TJP1: variants seen among roughly 807,000 people sequenced by gnomAD.
The protein encoded by TJP1 is tight junction protein ZO-1.
TJP1 carries 43 observed loss-of-function variants against 194.2 expected under a neutral mutation model. The observed-to-expected ratio is 0.22, with a 90% confidence interval of 0.17 to 0.29. TJP1 has a LOEUF of 0.29. Ranked by LOEUF, TJP1 falls within the 10% of genes least tolerant of loss-of-function variation. The pLI is 1.00. For synonymous variants in TJP1, 801 were observed against 779.0 expected, an observed-to-expected ratio of 1.03 and a Z score of -0.47; for missense variants, 1,971 against 2,185.7, an observed-to-expected ratio of 0.90 and a Z score of 1.96.
chr15:29,861,613 C>A lies in TJP1; in HGVS notation c.307-60911G>T, dbSNP rs538735278. Reference sequence around the variant, plus strand: ...CCTTTGGAGATATGTCTACTCAAGTCCTTTGCCACTTTTTAATTGGCTTGT... The same window carrying A: ...CCTTTGGAGATATGTCTACTCAAGTACTTTGCCACTTTTTAATTGGCTTGT... On this transcript the variant is annotated intron_variant, in intron 2 of 28. Transcript: ENST00000356107. Among the ~76,000 whole-genome samples, 4 of 152,270 alleles carry A rather than the reference C, an allele frequency of 2.6e-5. No homozygotes were observed. The South Asian group carries it at 8.3e-4, about 32-fold the overall frequency.
chr15:29,886,727 A>G (rs1347589299), intron 2 of TJP1, among the ~76,000 whole-genome samples: 1 of 152,112 alleles, frequency 6.6e-6, no homozygotes, highest in East Asian at 1.9e-4. Context: ...AACAATAACC[A>G]TAATGAGAAA....
In TJP1 at chr15:29,720,003, G is replaced by A; in HGVS notation, c.2777C>T (p.Ser926Leu). ...AGGCGAAAGGTAAGGGACTGGAGAT[G>A]AAGCTTCTGCTTTCTGTGAAGTGTT... ...KPASQQKAEA[S>L]SPVPYLSPET... Residue 926 changes from serine (S) to leucine (L), a missense_variant, in exon 20 of 28, where the codon TCA (serine) becomes TTA (leucine). By Grantham distance (145) the Ser-to-Leu change is moderately radical (BLOSUM62 -2). This residue lies in a region of TJP1 where 1,108 missense variants were observed against 1,128.5 expected (regional missense o/e 0.98). Coordinates refer to ENST00000614355, the MANE Select transcript of TJP1 (RefSeq NM_001330239.4). The A allele has an allele frequency of 6.2e-7, 1 of 1,608,130 alleles. No individual in the cohort carries two copies. The highest frequency in any genetic ancestry group is 8.5e-7 in the Non-Finnish European group (1 of 1,178,168).
intron 2 of TJP1, among the ~76,000 whole-genome samples, chr15:29,944,256 C>G (rs1204685843): frequency 6.6e-6 from 1 of 151,782 alleles, no homozygotes; most frequent in African/African-American, 2.4e-5. Flanking sequence ...CCACACCCGG[C>G]TAATTTTTTT....
At position 29,719,999 on chromosome 15, in the gene TJP1, A is replaced by G. The variant is rs769624603; in HGVS notation, c.2781T>C (p.Ser927=). ...PASQQKAEAS[S]PVPYLSPETN... is the part of the protein sequence containing the mutation. ...TTTCAGGCGAAAGGTAAGGGACTGGAGATGAAGCTTCTGCTTTCTGTGAAG... is the reference window on the plus strand; with the variant it reads ...TTTCAGGCGAAAGGTAAGGGACTGGGGATGAAGCTTCTGCTTTCTGTGAAG... The change falls in exon 20 of 28, where the codon TCT becomes TCC. Residue 927 remains serine, a synonymous_variant. Coordinates refer to ENST00000614355, the MANE Select transcript of TJP1 (RefSeq NM_001330239.4). 1 of 1,608,712 alleles carries G rather than the reference A, an allele frequency of 6.2e-7. No homozygotes were observed. The highest frequency in any genetic ancestry group is 1.1e-5 in the South Asian group (1 of 89,792).
intron 2 of TJP1, chr15:29,800,372 CAG>C (rs1433992325): frequency 1.6e-5 from 7 of 441,394 alleles, no homozygotes; most frequent in African/African-American, 8.2e-5. Flanking sequence ...TACTAATGTA[CAG>C]AGTCTTTTAT....
Position 29,719,832 on chromosome 15 carries a change from T to G in TJP1, c.2948A>C (p.His983Pro). 3 of 1,614,220 alleles carry G rather than the reference T, an allele frequency of 1.9e-6. No individual in the cohort carries two copies. Among genetic ancestry groups the G allele is most frequent in the Non-Finnish European group, 2.5e-6 (3 of 1,180,018 alleles). Residue 983 changes from histidine to proline, a missense_variant, in exon 20 of 28, where the codon CAC becomes CCC. Coordinates refer to ENST00000614355, the MANE Select transcript of TJP1 (RefSeq NM_001330239.4). ...TGGTTCTTGATCTCTTAGCATTATG[T>G]GAGCTGCCTCAGTACTTGGTGTTCT... Reference protein sequence around the residue: ...SLRTPSTEAAHIMLRDQEPSL... With the variant: ...SLRTPSTEAAPIMLRDQEPSL...
At chr15:29,746,632 T>C (rs1167477533) in intron 8 of TJP1, among the ~76,000 whole-genome samples, 2 of 151,938 alleles carry the variant, frequency 1.3e-5, no homozygotes, top group African/African-American at 4.8e-5. Context: ...ATTTCAACTT[T>C]TACAAAAATT....
intron 2 of TJP1, among the ~76,000 whole-genome samples, chr15:29,918,384 C>A (rs976588188): frequency 6.6e-6 from 1 of 152,086 alleles, no homozygotes; most frequent in Non-Finnish European, 1.5e-5. Context: ...TTTAGGAAAA[C>A]TTCCCAACGT....
At chr15:29,795,503 A>T (rs1007348047) in intron 2 of TJP1, among the ~76,000 whole-genome samples, 2 of 152,036 alleles carry the variant, frequency 1.3e-5, no homozygotes, top group African/African-American at 4.8e-5. Flanking sequence ...ATATTCCTAT[A>T]TAAAATTAAA....
At position 29,709,950 on chromosome 15, in the gene TJP1, A is replaced by C. The variant is rs2042134008; in HGVS notation, c.4372+881T>G. On this transcript the variant is annotated intron_variant, in intron 24 of 27. Coordinates refer to ENST00000614355, the MANE Select transcript of TJP1 (RefSeq NM_001330239.4). The stretch of plus-strand genomic sequence containing the variant: ...CACCTGAGGTCAGGAGTTCGTGACC[A>C]GCCTGGCTAACATGATGAAACCCTG... 2.6e-5 allele frequency among the ~76,000 whole-genome samples: 4 copies of C among 152,198 alleles called. No homozygotes were observed. The South Asian group carries it at 8.3e-4, about 32-fold the overall frequency.
At chr15:29,899,018 A>C (rs1298522231) in intron 2 of TJP1, among the ~76,000 whole-genome samples, 3 of 152,248 alleles carry the variant, frequency 2.0e-5, no homozygotes, top group Admixed American at 6.5e-5. Flanking sequence ...AATAAGAACA[A>C]AGATAAGGAG....
intron 12 of TJP1, among the ~76,000 whole-genome samples, 158 bp from the exon 13 acceptor site, chr15:29,733,471 T>C (rs2043806773): frequency 6.6e-6 from 1 of 152,248 alleles, no homozygotes; most frequent in Non-Finnish European, 1.5e-5. Flanking sequence ...TTCATCACTG[T>C]AAGAATTGAA....
chr15:29,929,828 A>G (rs2054648562), intron 2 of TJP1, among the ~76,000 whole-genome samples: 1 of 152,144 alleles, frequency 6.6e-6, no homozygotes, highest in African/African-American at 2.4e-5. Context: ...TTTTTAAAAC[A>G]GCAGCAAAAC....
rs184146748 is a variant in TJP1, at chr15:29,946,781, C to T, written c.306+9451G>A. On this transcript the variant is annotated intron_variant, in intron 2 of 28. Coordinates refer to the TJP1 transcript ENST00000356107. Reference sequence around the variant, plus strand: ...GCTGCACCAAACCCTTAACATTATGCCAGGTATTATAAAGCAATCTAATTT... The same window carrying T: ...GCTGCACCAAACCCTTAACATTATGTCAGGTATTATAAAGCAATCTAATTT... Among the ~76,000 whole-genome samples, 4 of 152,236 alleles carry T rather than the reference C, an allele frequency of 2.6e-5. No individual in the cohort carries two copies. The East Asian group carries it at 5.8e-4, about 22-fold the overall frequency.
rs757394527 is a variant in TJP1, at chr15:29,705,598, T to A, written c.4998A>T (p.Gly1666=). The change falls in exon 26 of 28, where the codon GGA becomes GGT. Residue 1666 remains glycine, a synonymous_variant. Coordinates refer to ENST00000614355, the MANE Select transcript of TJP1 (RefSeq NM_001330239.4). ...IIIPQGAIPE[G]VEQEIYFKVC... ...CCTTGAAATAGATTTCCTGCTCAAC[T>A]CCTTCGGGAATGGCTCCTTGAGGGA... 1.2e-5 allele frequency: 19 copies of A among 1,614,078 alleles called. No homozygotes were observed. The highest frequency in any genetic ancestry group is 1.4e-5 in the Non-Finnish European group (17 of 1,180,048).
chr15:29,908,386 C>T (rs999961398), intron 2 of TJP1, among the ~76,000 whole-genome samples: 1 of 152,228 alleles, frequency 6.6e-6, no homozygotes, highest in Middle Eastern at 3.4e-3. Flanking sequence ...ATTAATGATG[C>T]CTACAAAATT....
At chr15:29,770,384 G>T (rs1051200370) in intron 4 of TJP1, among the ~76,000 whole-genome samples, 4 of 152,008 alleles carry the variant, frequency 2.6e-5, no homozygotes, top group Non-Finnish European at 4.4e-5. Flanking sequence ...GGTGAGCCAA[G>T]ATCACGCTAC....
At chr15:29,887,996 G>A (rs1287863331) in intron 2 of TJP1, among the ~76,000 whole-genome samples, 1 of 152,002 alleles carries the variant, frequency 6.6e-6, no homozygotes, top group Non-Finnish European at 1.5e-5. Flanking sequence ...AATATTCTCT[G>A]TGTACAAAGA....
At position 29,762,326 on chromosome 15, in the gene TJP1, T is replaced by C. The variant is rs753572149; in HGVS notation, c.693+9A>G. The C allele has an allele frequency of 2.5e-6, 4 of 1,602,496 alleles. No homozygotes were observed. In the South Asian group the frequency reaches 3.3e-5, roughly 13 times the overall value. ...TTCAGTTCATTAAAAAGTAAGAATA[T>C]GATTATACCTTCAATACAACATCAC... On this transcript the variant is annotated intron_variant, in intron 6 of 27. Transcript: ENST00000614355.
Sources: allele counts gnomAD v4.1 joint callset (sites outside exome capture counted in the v4.1 genomes callset), GRCh38; gene constraint gnomAD v4.1.1; regional missense constraint gnomAD v4.1.1; transcripts MANE v1.5; gene names NCBI Gene and HGNC (gene_info 2026-07-23, HGNC 2026-07-21).